RIMKLB: variants seen among roughly 807,000 people sequenced by gnomAD.
The protein encoded by RIMKLB is ribosomal modification protein rimK like family member B, also known as beta-citrylglutamate synthase B.
RIMKLB carries 7 observed loss-of-function variants against 32.0 expected under a neutral mutation model. That is an observed-to-expected ratio of 0.22 (90% confidence interval 0.12 to 0.41). The LOEUF (loss-of-function observed/expected upper bound fraction) is 0.41. Ranked by LOEUF, RIMKLB falls within the 10% of genes least tolerant of loss-of-function variation. RIMKLB has a pLI of 1.00. For synonymous variants in RIMKLB, 172 were observed against 185.1 expected (o/e 0.93, Z 0.57); for missense variants, 289 against 498.7 (o/e 0.58, Z 4.00).
rs910181219 is a variant in RIMKLB, at chr12:8,775,598, A to G, written c.*1814A>G. ...ACTAGAGAGACTTCGAGGCAATAAT[A>G]AAAGATCAGTATTAACCAGCTATAA... is the stretch of plus-strand genomic sequence containing the variant. On this transcript the variant is annotated 3_prime_UTR_variant, in exon 6 of 6. Transcript: ENST00000535829. The G allele has an allele frequency of 5.1e-6, 5 of 985,642 alleles. No individual in the cohort carries two copies. The Admixed American group carries it at 3.1e-4, about 61-fold the overall frequency. 61.1% of individuals were successfully genotyped at this position (985,642 alleles called of 1,614,324 possible). A position where few individuals can be genotyped will look rare whatever the true frequency, so the allele number is the denominator to read the frequency against.
intron 5 of RIMKLB, among the ~76,000 whole-genome samples, chr12:8,765,699 T>A (rs1341613290): frequency 6.6e-6 from 1 of 152,162 alleles, no homozygotes; most frequent in Non-Finnish European, 1.5e-5. Context: ...ATATTGGCAC[T>A]CTTTGGTTCA....
intron 1 of RIMKLB, among the ~76,000 whole-genome samples, chr12:8,689,229 A>T (rs1428154271): frequency 6.6e-6 from 1 of 152,232 alleles, no homozygotes; most frequent in Non-Finnish European, 1.5e-5. Flanking sequence ...AAAATTTAAC[A>T]GGGGCTACTT....
At chr12:8,765,485 TTTAG>T (rs1949880892) in intron 5 of RIMKLB, among the ~76,000 whole-genome samples, 1 of 152,198 alleles carries the variant, frequency 6.6e-6, no homozygotes, top group Non-Finnish European at 1.5e-5. Flanking sequence ...TAGTGTCTGA[TTTAG>T]CAGTAACATT....
chr12:8,724,451 G>A (rs1055028278), intron 2 of RIMKLB, among the ~76,000 whole-genome samples: 1 of 151,546 alleles, frequency 6.6e-6, no homozygotes, highest in African/African-American at 2.4e-5. Flanking sequence ...GATTTTTTTT[G>A]TTTCCTGATC....
intron 2 of RIMKLB, among the ~76,000 whole-genome samples, chr12:8,726,734 G>T (rs999826519): frequency 6.6e-6 from 1 of 151,088 alleles, no homozygotes; most frequent in Non-Finnish European, 1.5e-5. Flanking sequence ...TAGATGGCAC[G>T]TAGTTGGGTC....
At chr12:8,680,988 CT>C (rs149951264), upstream of RIMKLB, among the ~76,000 whole-genome samples, 34,768 of 145,408 alleles carry the variant, frequency 0.24, 4,845 homozygotes, top group Non-Finnish European at 0.34. Context: ...CAGGTCTGGT[CT>C]TTTTTTTTTT....
intron 5 of RIMKLB, among the ~76,000 whole-genome samples, chr12:8,757,821 G>GC (rs978878302): frequency 1.3e-5 from 2 of 152,062 alleles, no homozygotes; most frequent in African/African-American, 4.8e-5. Context: ...ACTAGATATT[G>GC]CCAAATGATT....
the RIMKLB span, among the ~76,000 whole-genome samples, chr12:8,676,482 T>C: frequency 7.5e-6 from 1 of 133,156 alleles, no homozygotes; most frequent in African/African-American, 2.8e-5. Context: ...CACTGCAACC[T>C]CTGCCTCCCG....
intron 2 of RIMKLB, among the ~76,000 whole-genome samples, chr12:8,722,580 A>G (rs1945563736): frequency 6.6e-6 from 1 of 152,200 alleles, no homozygotes; most frequent in African/African-American, 2.4e-5. Flanking sequence ...CTTCGCTCCT[A>G]ACAAAAGAAT....
At chr12:8,757,954 C>CT (rs772308279) in intron 5 of RIMKLB, among the ~76,000 whole-genome samples, 3,288 of 142,864 alleles carry the variant, frequency 0.023, 65 homozygotes, top group African/African-American at 0.059. Context: ...GAACTTTTGT[C>CT]TTTTTTTTTT....
intron 1 of RIMKLB, among the ~76,000 whole-genome samples, chr12:8,703,159 G>A (rs967231977): frequency 6.6e-6 from 1 of 152,098 alleles, no homozygotes; most frequent in East Asian, 1.9e-4. Flanking sequence ...AGTGGCACGT[G>A]CCTGTAATTT....
At chr12:8,760,526 T>C (rs1949431224) in intron 5 of RIMKLB, among the ~76,000 whole-genome samples, 1 of 152,230 alleles carries the variant, frequency 6.6e-6, no homozygotes, top group African/African-American at 2.4e-5. Flanking sequence ...CACACTGTCT[T>C]CCACAATGGT....
chr12:8,704,861 T>A (rs1943711428), intron 1 of RIMKLB, among the ~76,000 whole-genome samples: 1 of 58 alleles, frequency 0.017, no homozygotes, highest in Non-Finnish European at 0.033. Flanking sequence ...GGTACATACC[T>A]GTCATCCCAC....
At chr12:8,703,617 A>C (rs1943601008) in intron 1 of RIMKLB, among the ~76,000 whole-genome samples, 1 of 152,116 alleles carries the variant, frequency 6.6e-6, no homozygotes, top group Non-Finnish European at 1.5e-5. Flanking sequence ...ATGAGGTCCC[A>C]CTGTGTTGTC....
upstream of RIMKLB, among the ~76,000 whole-genome samples, chr12:8,680,176 G>C (rs913553798): frequency 6.7e-6 from 1 of 149,990 alleles, no homozygotes; most frequent in Non-Finnish European, 1.5e-5. Flanking sequence ...TTTTTTTTTT[G>C]AGACAGTCTC....
intron 5 of RIMKLB, among the ~76,000 whole-genome samples, chr12:8,766,959 A>G (rs1033240371): frequency 6.6e-6 from 1 of 152,258 alleles, no homozygotes; most frequent in Non-Finnish European, 1.5e-5. Flanking sequence ...ACTTTTAGCA[A>G]TGCAGTTGCC....
intron 2 of RIMKLB, among the ~76,000 whole-genome samples, chr12:8,748,836 G>A (rs972393630): frequency 2.0e-5 from 3 of 151,932 alleles, no homozygotes; most frequent in Non-Finnish European, 4.4e-5. Flanking sequence ...CCACTCTGGA[G>A]GCTGAGGCAG....
At chr12:8,769,107 C>G (rs901173814) in intron 5 of RIMKLB, among the ~76,000 whole-genome samples, 2 of 152,084 alleles carry the variant, frequency 1.3e-5, no homozygotes, top group African/African-American at 4.8e-5. Flanking sequence ...GCATTTTTCT[C>G]TTTTATTTAC....
intron 2 of RIMKLB, among the ~76,000 whole-genome samples, chr12:8,720,828 C>T (rs1273419347): frequency 6.6e-6 from 1 of 152,180 alleles, no homozygotes; most frequent in African/African-American, 2.4e-5. Context: ...GCATGAGCCA[C>T]CGCGCCTGGC....
Sources: allele counts gnomAD v4.1 joint callset (sites outside exome capture counted in the v4.1 genomes callset), GRCh38; gene constraint gnomAD v4.1.1; transcripts MANE v1.5; gene names NCBI Gene and HGNC (gene_info 2026-07-23, HGNC 2026-07-21).